The following TBC1D9 variants were observed in gnomAD, a reference collection of about 807,000 sequenced individuals.
The protein encoded by TBC1D9 is TBC1 domain family member 9A.
Under a neutral mutation model 132.0 loss-of-function variants are expected in TBC1D9, and 63 were observed. The ratio of observed to expected loss-of-function variants is 0.48; its 90% CI spans 0.39 to 0.59. The LOEUF (loss-of-function observed/expected upper bound fraction) is 0.59, where lower values mean the gene tolerates loss of function less well. TBC1D9 is among the 20% of genes least tolerant of loss of function. TBC1D9 has a pLI of 0.00. For synonymous variants in TBC1D9, 610 were observed against 609.9 expected (o/e 1.00, Z 0.00); for missense variants, 1,261 against 1,592.7 (o/e 0.79, Z 3.54).
Position 140,663,882 on chromosome 4 carries a change from T to C in TBC1D9, c.1589-1775A>G, listed in dbSNP as rs144187067. Among the ~76,000 whole-genome samples, 1,351 of 151,858 alleles carry C rather than the reference T, an allele frequency of 8.9e-3. 16 individuals carry two copies. The highest frequency in any genetic ancestry group is 0.03 in the African/African-American group (1,247 of 41,492). ...GTCTAGAATGGTGATTACCAGGAGC[T>C]AAGGAAGGGGAAAAATGGAGAGATG... On this transcript the variant is annotated intron_variant, in intron 9 of 20. Coordinates refer to ENST00000442267, the MANE Select transcript of TBC1D9 (RefSeq NM_015130.3).
intron 13 of TBC1D9, among the ~76,000 whole-genome samples, chr4:140,648,693 C>T (rs17392415): frequency 0.14 from 22,013 of 152,114 alleles, 1,869 homozygotes; most frequent in South Asian, 0.23. Flanking sequence ...GCCAGAAAGG[C>T]AATTTTCAAA....
chr4:140,670,688 A>T, intron 7 of TBC1D9, 32 bp downstream of exon 7: 1 of 1,601,818 alleles, frequency 6.2e-7, no homozygotes, highest in Non-Finnish European at 8.5e-7. Flanking sequence ...AACAGGATAA[A>T]CCAAAAATAC....
At chr4:140,670,671 G>T in intron 7 of TBC1D9, 49 bp downstream of exon 7, 1 of 1,517,536 alleles carries the variant, frequency 6.6e-7, no homozygotes, top group Non-Finnish European at 9.1e-7. Context: ...ACACACTTGG[G>T]CACAGGAACA....
chr4:140,625,554 G>A (rs554903890), intron 18 of TBC1D9, among the ~76,000 whole-genome samples: 5 of 152,274 alleles, frequency 3.3e-5, no homozygotes, highest in Non-Finnish European at 7.4e-5. Context: ...ATTAATCTCA[G>A]TAGCTTTTAA....
Position 140,671,674 on chromosome 4 carries a change from C to CTGTGTGTGTGTGTGTGTG in TBC1D9, c.1060-766_1060-749dup, listed in dbSNP as rs34072180. Among the ~76,000 whole-genome samples the CTGTGTGTGTGTGTGTGTG allele has an allele frequency of 6.6e-3, 939 of 141,800 alleles. 19 individuals are homozygous for CTGTGTGTGTGTGTGTGTG. Among genetic ancestry groups the CTGTGTGTGTGTGTGTGTG allele is most frequent in the African/African-American group, 0.025 (893 of 36,362 alleles). The allele number at this position is 141,800 out of a possible 152,430, so 93.0% of individuals were successfully genotyped here. On this transcript the variant is annotated intron_variant, in intron 6 of 20. Transcript: ENST00000442267. ...TTGCAACATTATCTGAACTACCAGACTGTGTGTGTGTGTGTGTGTGTGTGT... is the reference window on the plus strand; with the variant it reads ...TTGCAACATTATCTGAACTACCAGACTGTGTGTGTGTGTGTGTGTGTGTGTGTGTGTGTGTGTGTGTGT...
chr4:140,647,899 G>A (rs540009558), intron 13 of TBC1D9, among the ~76,000 whole-genome samples: 65 of 151,820 alleles, frequency 4.3e-4, no homozygotes, highest in Middle Eastern at 3.4e-3. Flanking sequence ...TGACATGGGG[G>A]TCTCTCCCTC....
At chr4:140,733,688 G>T (rs1055191092) in intron 1 of TBC1D9, among the ~76,000 whole-genome samples, 2 of 152,036 alleles carry the variant, frequency 1.3e-5, no homozygotes, top group African/African-American at 4.8e-5. Flanking sequence ...GTCTTCACAG[G>T]GTATATGGAA....
At chr4:140,644,393 C>G in intron 13 of TBC1D9, 1 of 284,138 alleles carries the variant, frequency 3.5e-6, no homozygotes. Context: ...ACACGTCCTC[C>G]AGCGGCTGGA....
intron 3 of TBC1D9, among the ~76,000 whole-genome samples, chr4:140,685,012 G>A (rs1306471003): frequency 6.6e-6 from 1 of 152,030 alleles, no homozygotes; most frequent in Non-Finnish European, 1.5e-5. Context: ...AATAAATGGA[G>A]GGAAGACTCT....
chr4:140,702,203 C>A lies in TBC1D9; in HGVS notation c.131-589G>T, dbSNP rs559610017. ...TGAGGATCAGGGTCTGCATTTTTAGCACAAAGTTTAGTTCTTTCAGTCAAG... is the reference window on the plus strand; with the variant it reads ...TGAGGATCAGGGTCTGCATTTTTAGAACAAAGTTTAGTTCTTTCAGTCAAG... On this transcript the variant is annotated intron_variant, in intron 1 of 20. Coordinates refer to ENST00000442267, the MANE Select transcript of TBC1D9 (RefSeq NM_015130.3). 4.6e-5 allele frequency among the ~76,000 whole-genome samples: 7 copies of A among 152,308 alleles called. No homozygotes were observed. The East Asian group carries it at 1.2e-3, about 25-fold the overall frequency.
intron 1 of TBC1D9, among the ~76,000 whole-genome samples, chr4:140,729,446 A>G (rs72949553): frequency 0.02 from 3,064 of 152,272 alleles, 59 homozygotes; most frequent in African/African-American, 0.049. Flanking sequence ...TGGAGGCACC[A>G]GGGAGATGAT....
chr4:140,696,174 C>G (rs980619798), intron 2 of TBC1D9, among the ~76,000 whole-genome samples: 1 of 131,044 alleles, frequency 7.6e-6, no homozygotes, highest in Non-Finnish European at 1.7e-5. Flanking sequence ...AAAAAAGAGG[C>G]GGGCCAGGCG....
chr4:140,676,817 TA>T, intron 6 of TBC1D9, 76 bp downstream of exon 6: 4 of 1,544,878 alleles, frequency 2.6e-6, no homozygotes, highest in Non-Finnish European at 2.6e-6. Context: ...CAATTGTTGG[TA>T]AAAAAATTAT....
intron 13 of TBC1D9, chr4:140,642,268 T>G (rs1434590396): frequency 1.4e-6 from 1 of 707,446 alleles, no homozygotes; most frequent in African/African-American, 1.8e-5. Context: ...GAGTAGCTGC[T>G]CACTTCGGAG....
At chr4:140,632,666 G>T (rs773905280) in intron 16 of TBC1D9, among the ~76,000 whole-genome samples, 1 of 152,112 alleles carries the variant, frequency 6.6e-6, no homozygotes, top group African/African-American at 2.4e-5. Context: ...TAAATATGGA[G>T]ATAATAGTAG....
intron 1 of TBC1D9, among the ~76,000 whole-genome samples, chr4:140,729,821 A>AAAG (rs1489256588): frequency 6.7e-6 from 1 of 148,184 alleles, no homozygotes; most frequent in African/African-American, 2.5e-5. Context: ...TCCATCTCAA[A>AAAG]AAAAAAAAAA....
Position 140,679,106 on chromosome 4 carries a change from C to T in TBC1D9, c.687G>A (p.Glu229=), listed in dbSNP as rs763187679. Residue 229 remains glutamate, a synonymous_variant, in exon 5 of 21, where the codon GAG becomes GAA. Coordinates refer to ENST00000442267, the MANE Select transcript of TBC1D9 (RefSeq NM_015130.3). ...DVIKVSTRSS[E]HFFSVFLNIN... ...TGTTGAGGAATACAGAGAAGAAATG[C>T]TCACTGGACCGTGTGCTCACTTTGA... 93 of 1,613,844 alleles carry T rather than the reference C, an allele frequency of 5.8e-5. No homozygotes were observed. Among genetic ancestry groups the T allele is most frequent in the Non-Finnish European group, 7.3e-5 (86 of 1,179,864 alleles).
rs1354938036 is a variant in TBC1D9 at position 140,706,565 on chromosome 4, T to G, written c.131-4951A>C. Among the ~76,000 whole-genome samples the G allele has an allele frequency of 6.6e-6, 1 of 152,196 alleles. No individual in the cohort carries two copies. The highest frequency in any genetic ancestry group is 2.4e-5 in the African/African-American group (1 of 41,448). On this transcript the variant is annotated intron_variant, in intron 1 of 20. Coordinates refer to ENST00000442267, the MANE Select transcript of TBC1D9 (RefSeq NM_015130.3). This position sits in a 1 kb window ranked among gnomAD's most constrained non-coding sequence, Gnocchi z 4.0. The stretch of plus-strand genomic sequence containing the variant: ...ACCTGCTTCCGATCTATTTTTTTTT[T>G]TAACAGAAAGAAAAGGTAACAGCCA...
At chr4:140,741,296 G>A (rs1738754046) in intron 1 of TBC1D9, among the ~76,000 whole-genome samples, 2 of 152,154 alleles carry the variant, frequency 1.3e-5, no homozygotes, top group Non-Finnish European at 2.9e-5. Flanking sequence ...TATTTAAAGT[G>A]GCCCTGCAAA....
Sources: allele counts gnomAD v4.1 joint callset (sites outside exome capture counted in the v4.1 genomes callset), GRCh38; gene constraint gnomAD v4.1.1; non-coding constraint Gnocchi (gnomAD v3.1); transcripts MANE v1.5; gene names NCBI Gene and HGNC (gene_info 2026-07-23, HGNC 2026-07-21).